Variants in TMTC2 observed in about 807,000 individuals in gnomAD.
The protein encoded by TMTC2 is protein O-mannosyl-transferase TMTC2.
A neutral mutation model predicts 82.4 loss-of-function variants in TMTC2; 43 were observed. The observed-to-expected ratio is 0.52, with a 90% CI of 0.41 to 0.67. The LOEUF (loss-of-function observed/expected upper bound fraction) is 0.67. Ranked by LOEUF, TMTC2 falls within the 30% of genes least tolerant of loss-of-function variation. TMTC2 has a pLI of 0.00. For missense variants in TMTC2, 919 were observed against 1,012.4 expected, an observed-to-expected ratio of 0.91 and a Z score of 1.25; for synonymous variants, 408 against 381.9, an observed-to-expected ratio of 1.07 and a Z score of -0.80.
In TMTC2 at chr12:82,967,126, G is replaced by C. The variant is rs1592663437; in HGVS notation, c.1948+129G>C. 2.5e-5 allele frequency: 17 copies of C among 673,426 alleles called. No individual in the cohort carries two copies. The East Asian group carries it at 4.9e-4, about 20-fold the overall frequency. The allele number at this position is 673,426 out of a possible 1,614,324, so 41.7% of individuals were successfully genotyped here. ...TCACAAAAGAAACGTTCACAATCTG[G>C]CATCATACTCAAATTCTGACAGAGC... On this transcript the variant is annotated intron_variant, in intron 7 of 11. Coordinates refer to ENST00000321196, the MANE Select transcript of TMTC2 (RefSeq NM_152588.3).
At chr12:82,769,708 T>C (rs1877182059) in intron 1 of TMTC2, among the ~76,000 whole-genome samples, 1 of 152,112 alleles carries the variant, frequency 6.6e-6, no homozygotes, top group Admixed American at 6.5e-5. Flanking sequence ...CCTCCCGGGT[T>C]CATGTGATTC....
chr12:82,811,807 C>CTTTTTTTTTT (rs1171596880), intron 1 of TMTC2, among the ~76,000 whole-genome samples: 4 of 91,088 alleles, frequency 4.4e-5, no homozygotes, highest in Non-Finnish European at 8.5e-5. Context: ...TGCTCTCCTT[C>CTTTTTTTTTT]TTTTTTTTTT....
intron 11 of TMTC2, among the ~76,000 whole-genome samples, chr12:83,070,858 A>G (rs923423238): frequency 3.3e-5 from 5 of 152,112 alleles, no homozygotes; most frequent in Non-Finnish European, 7.4e-5. Flanking sequence ...TACACAGGGT[A>G]CATCCCTTGT....
intron 8 of TMTC2, among the ~76,000 whole-genome samples, chr12:83,026,752 G>A (rs11115547): frequency 0.59 from 88,518 of 149,594 alleles, 26,743 homozygotes; most frequent in South Asian, 0.74. Flanking sequence ...GAAAATACGT[G>A]TGTATTTTTA....
At chr12:82,698,828 A>G (rs1452578792) in intron 1 of TMTC2, among the ~76,000 whole-genome samples, 1 of 152,170 alleles carries the variant, frequency 6.6e-6, no homozygotes, top group Admixed American at 6.5e-5. Flanking sequence ...TCGTCAATTG[A>G]TCTGATTAAC....
intron 10 of TMTC2, among the ~76,000 whole-genome samples, chr12:83,055,025 A>G (rs972309153): frequency 6.6e-6 from 1 of 152,058 alleles, no homozygotes; most frequent in Non-Finnish European, 1.5e-5. Flanking sequence ...GCTAGGAATA[A>G]TTCCCAACCA....
intron 1 of TMTC2, among the ~76,000 whole-genome samples, chr12:82,817,834 A>C (rs1868839549): frequency 6.6e-6 from 1 of 152,110 alleles, no homozygotes; most frequent in Admixed American, 6.6e-5. Flanking sequence ...TCTTCATTTT[A>C]TCACCAGAAG....
chr12:82,891,809 T>C (rs1178217078), intron 2 of TMTC2, among the ~76,000 whole-genome samples: 2 of 152,174 alleles, frequency 1.3e-5, no homozygotes, highest in African/African-American at 4.8e-5. Flanking sequence ...TCACAACACT[T>C]TAGAAACTCT....
chr12:82,789,586 T>G (rs1878356450), intron 1 of TMTC2, among the ~76,000 whole-genome samples: 1 of 152,158 alleles, frequency 6.6e-6, no homozygotes, highest in Admixed American at 6.5e-5. Flanking sequence ...CCAGGCTCTC[T>G]ACTGGAATAT....
chr12:83,105,785 C>G (rs1261438410), intron 11 of TMTC2, among the ~76,000 whole-genome samples: 3 of 152,244 alleles, frequency 2.0e-5, no homozygotes, highest in Admixed American at 2.0e-4. Flanking sequence ...GCAAATCCTA[C>G]TAGGAGAAAA....
intron 1 of TMTC2, among the ~76,000 whole-genome samples, chr12:82,792,016 C>T (rs1405356448): frequency 6.6e-6 from 1 of 152,116 alleles, no homozygotes; most frequent in African/African-American, 2.4e-5. Flanking sequence ...CTGATTTAAT[C>T]AAGAGTGTTT....
chr12:82,967,116 T>C lies in TMTC2; in HGVS notation c.1948+119T>C, dbSNP rs567092664. ...ATATTAATCCTCACAAAAGAAACGT[T>C]CACAATCTGGCATCATACTCAAATT... On this transcript the variant is annotated intron_variant, in intron 7 of 11. Coordinates refer to ENST00000321196, the MANE Select transcript of TMTC2 (RefSeq NM_152588.3). 1.2e-5 allele frequency: 9 copies of C among 731,088 alleles called. No individual in the cohort carries two copies. In the African/African-American group the frequency reaches 1.4e-4, roughly 12 times the overall value. 45.3% of individuals were successfully genotyped at this position (731,088 alleles called of 1,614,324 possible).
chr12:83,069,641 A>C (rs1883038701), intron 11 of TMTC2, among the ~76,000 whole-genome samples: 1 of 152,062 alleles, frequency 6.6e-6, no homozygotes, highest in African/African-American at 2.4e-5. Flanking sequence ...CACTCTGTGG[A>C]TCATCTGTTT....
intron 1 of TMTC2, among the ~76,000 whole-genome samples, chr12:82,702,294 C>A (rs755065506): frequency 6.6e-6 from 1 of 152,186 alleles, no homozygotes; most frequent in East Asian, 1.9e-4. Context: ...AATGTTTACT[C>A]TGTTCCTACT....
At chr12:82,976,264 C>G (rs1276129739) in intron 7 of TMTC2, among the ~76,000 whole-genome samples, 1 of 151,988 alleles carries the variant, frequency 6.6e-6, no homozygotes, top group African/African-American at 2.4e-5. Flanking sequence ...AATATTTACA[C>G]AGGCTTCTGG....
intron 1 of TMTC2, among the ~76,000 whole-genome samples, chr12:82,713,767 CATA>C (rs1873758063): frequency 2.6e-5 from 4 of 152,156 alleles, no homozygotes; most frequent in African/African-American, 7.2e-5. Flanking sequence ...TCTGGCTTCT[CATA>C]GTATTTTCTG....
Position 82,833,761 on chromosome 12 carries a change from C to G in TMTC2, c.84-23249C>G, listed in dbSNP as rs528732666. On this transcript the variant is annotated intron_variant, in intron 1 of 11. Coordinates refer to ENST00000321196, the MANE Select transcript of TMTC2 (RefSeq NM_152588.3). ...CTGTCTTGACACTCAAGGCTGTTAT[C>G]CATTACATGAATAATTGGTTTCCAA... Among the ~76,000 whole-genome samples the G allele has an allele frequency of 2.3e-3, 346 of 152,234 alleles. 1 individual carries two copies. Among genetic ancestry groups the G allele is most frequent in the South Asian group, 5.0e-3 (24 of 4,826 alleles).
intron 1 of TMTC2, among the ~76,000 whole-genome samples, chr12:82,752,372 GC>G (rs1876060843): frequency 1.3e-5 from 2 of 152,032 alleles, no homozygotes; most frequent in South Asian, 4.2e-4. Context: ...TGTAATCCCA[GC>G]TACTTGGGAG....
rs145420915 is a variant in TMTC2 at position 82,812,048 on chromosome 12, C to A, written c.84-44962C>A. 1.1e-4 allele frequency among the ~76,000 whole-genome samples: 16 copies of A among 152,078 alleles called. 2 individuals carry two copies. The highest frequency in any genetic ancestry group is 2.9e-4 in the African/African-American group (12 of 41,520). ...GGCCAGGCTGGTCTCGAACTCCTGACCTCAGGTGATCCACCTGCCTCGGCC... is the reference window on the plus strand; with the variant it reads ...GGCCAGGCTGGTCTCGAACTCCTGAACTCAGGTGATCCACCTGCCTCGGCC... On this transcript the variant is annotated intron_variant, in intron 1 of 11. Transcript: ENST00000321196.
Sources: allele counts gnomAD v4.1 joint callset (sites outside exome capture counted in the v4.1 genomes callset), GRCh38; gene constraint gnomAD v4.1.1; transcripts MANE v1.5; gene names NCBI Gene and HGNC (gene_info 2026-07-23, HGNC 2026-07-21).